ANKS1B: variants seen among roughly 807,000 people sequenced by gnomAD.
ANKS1B encodes the protein ankyrin repeat and sterile alpha motif domain-containing protein 1B.
A neutral mutation model predicts 148.3 loss-of-function variants in ANKS1B; 36 were observed. The observed-to-expected ratio is 0.24, with a 90% CI of 0.19 to 0.32. The LOEUF is 0.32. Among genes scored for constraint, ANKS1B ranks in the 10% least tolerant of loss-of-function variants. The pLI is 1.00. For synonymous variants in ANKS1B, 542 were observed against 560.8 expected, an observed-to-expected ratio of 0.97 and a Z score of 0.47; for missense variants, 1,157 against 1,542.6, an observed-to-expected ratio of 0.75 and a Z score of 4.19.
At chr12:99,697,913 A>AT (rs2054182699) in intron 8 of ANKS1B, among the ~76,000 whole-genome samples, 1 of 152,096 alleles carries the variant, frequency 6.6e-6, no homozygotes, top group Admixed American at 6.6e-5. Flanking sequence ...AAGTCTATTA[A>AT]TTTTTTTAAA....
At chr12:99,518,324 G>A (rs980236238) in intron 9 of ANKS1B, among the ~76,000 whole-genome samples, 11 of 152,066 alleles carry the variant, frequency 7.2e-5, no homozygotes, top group African/African-American at 2.2e-4. Context: ...GAATTCAGCA[G>A]TGAAGCCATC....
At chr12:98,845,965 CATATATATAT>C (rs149926433) in intron 17 of ANKS1B, among the ~76,000 whole-genome samples, 1 of 98,680 alleles carries the variant, frequency 1.0e-5, no homozygotes, top group African/African-American at 3.3e-5. Context: ...TAGAATTCTT[CATATATATAT>C]ATATACACAC....
At chr12:99,711,768 C>T (rs2056670201) in intron 8 of ANKS1B, among the ~76,000 whole-genome samples, 1 of 152,132 alleles carries the variant, frequency 6.6e-6, no homozygotes. Flanking sequence ...TTAGTTCAAC[C>T]ATTGTGGAAG....
At chr12:99,520,257 CTGT>C (rs1277194526) in intron 9 of ANKS1B, among the ~76,000 whole-genome samples, 6 of 152,108 alleles carry the variant, frequency 3.9e-5, no homozygotes, top group Admixed American at 1.3e-4. Flanking sequence ...TAGGACAGGT[CTGT>C]TGTTGATGAA....
chr12:98,876,269 T>C (rs1203248229), intron 17 of ANKS1B, among the ~76,000 whole-genome samples: 1 of 152,074 alleles, frequency 6.6e-6, no homozygotes, highest in East Asian at 1.9e-4. Flanking sequence ...ATCCGTGCTG[T>C]TTCCTGTAAC....
At chr12:99,131,666 C>T (rs1160724428) in intron 15 of ANKS1B, among the ~76,000 whole-genome samples, 1 of 152,298 alleles carries the variant, frequency 6.6e-6, no homozygotes, top group East Asian at 1.9e-4. Context: ...GTAAATTATC[C>T]TGTAACTTCA....
intron 11 of ANKS1B, among the ~76,000 whole-genome samples, chr12:99,405,591 C>CACT (rs2094512630): frequency 6.9e-6 from 1 of 144,106 alleles, no homozygotes; most frequent in Non-Finnish European, 1.5e-5. Flanking sequence ...CAGAGAAAAT[C>CACT]TTCACTAAAA....
intron 12 of ANKS1B, among the ~76,000 whole-genome samples, chr12:99,371,542 A>T (rs888526081): frequency 2.0e-5 from 3 of 152,072 alleles, no homozygotes; most frequent in African/African-American, 7.2e-5. Context: ...TCTAGGTCAC[A>T]GTACCCAGTA....
At chr12:99,048,081 T>G (rs546052311) in intron 17 of ANKS1B, among the ~76,000 whole-genome samples, 2 of 152,096 alleles carry the variant, frequency 1.3e-5, no homozygotes, top group Non-Finnish European at 2.9e-5. Flanking sequence ...TCCATAGAGG[T>G]GGAGGCAGAG....
chr12:98,978,468 AT>A (rs1482956876), intron 17 of ANKS1B, among the ~76,000 whole-genome samples: 1 of 151,944 alleles, frequency 6.6e-6, no homozygotes, highest in African/African-American at 2.4e-5. Context: ...TCAATATGTG[AT>A]TATGTGCAAA....
chr12:99,347,581 C>T (rs1433480767), intron 12 of ANKS1B, among the ~76,000 whole-genome samples: 1 of 151,976 alleles, frequency 6.6e-6, no homozygotes, highest in Non-Finnish European at 1.5e-5. Context: ...TTAAGGAAAT[C>T]TTTGTCAAAT....
chr12:99,651,434 G>A (rs1309737821), intron 9 of ANKS1B, among the ~76,000 whole-genome samples: 1 of 152,004 alleles, frequency 6.6e-6, no homozygotes, highest in East Asian at 1.9e-4. Flanking sequence ...CCCCTAAGAA[G>A]CTTTAAAATG....
At chr12:99,397,875 A>C (rs1176765895) in intron 12 of ANKS1B, among the ~76,000 whole-genome samples, 3 of 152,220 alleles carry the variant, frequency 2.0e-5, no homozygotes, top group Admixed American at 2.0e-4. Flanking sequence ...CTCTATGAGG[A>C]AATGCATTTG....
intron 9 of ANKS1B, among the ~76,000 whole-genome samples, chr12:99,532,111 T>C (rs186988597): frequency 4.6e-5 from 7 of 152,158 alleles, no homozygotes; most frequent in Admixed American, 4.6e-4. Flanking sequence ...TTGTCAGATA[T>C]ACAGTTTGTG....
chr12:99,677,474 A>G lies in ANKS1B; in HGVS notation c.1129-22264T>C, dbSNP rs12308479. 9.7e-3 allele frequency among the ~76,000 whole-genome samples: 1,473 copies of G among 152,324 alleles called. 29 individuals are homozygous for G. The highest frequency in any genetic ancestry group is 0.033 in the African/African-American group (1,381 of 41,550). On this transcript the variant is annotated intron_variant, in intron 8 of 26. Coordinates refer to ENST00000683438, the MANE Select transcript of ANKS1B (RefSeq NM_001352186.2). ...GATTATTTAAAACTGCACAAGTGGGAAACAATTTCCAAATGCTTTTCAGAA... is the reference window on the plus strand; with the variant it reads ...GATTATTTAAAACTGCACAAGTGGGGAACAATTTCCAAATGCTTTTCAGAA...
At chr12:99,085,178 G>T (rs1324216309) in intron 15 of ANKS1B, 155 bp from the exon 16 acceptor site, 3 of 646,484 alleles carry the variant, frequency 4.6e-6, no homozygotes, top group Non-Finnish European at 8.1e-6. Context: ...GGCAGAGTCG[G>T]TCACCTTGTT....
chr12:99,350,665 AT>A (rs2091307509), intron 12 of ANKS1B, among the ~76,000 whole-genome samples: 1 of 152,080 alleles, frequency 6.6e-6, no homozygotes, highest in South Asian at 2.1e-4. Flanking sequence ...TAAATGAAGA[AT>A]TCTAAAATGA....
chr12:98,757,951 T>TGC (rs1336415304), intron 25 of ANKS1B, among the ~76,000 whole-genome samples: 2 of 152,296 alleles, frequency 1.3e-5, no homozygotes, highest in East Asian at 3.9e-4. Flanking sequence ...TGTGTGTGTG[T>TGC]GTGTGTGCAC....
intron 1 of ANKS1B, among the ~76,000 whole-genome samples, chr12:99,935,854 G>C (rs1327216590): frequency 2.6e-5 from 4 of 151,330 alleles, no homozygotes. Context: ...TGACGTATTA[G>C]TCCATTCTCA....
Sources: allele counts gnomAD v4.1 joint callset (sites outside exome capture counted in the v4.1 genomes callset), GRCh38; gene constraint gnomAD v4.1.1; transcripts MANE v1.5; gene names NCBI Gene and HGNC (gene_info 2026-07-23, HGNC 2026-07-21).